Variants in MDN1 observed in about 807,000 individuals in gnomAD.
The protein encoded by MDN1 is midasin AAA ATPase 1, also known as midasin.
A neutral mutation model predicts 669.2 loss-of-function variants in MDN1; 266 were observed. That is an observed-to-expected ratio of 0.40 (90% confidence interval 0.36 to 0.44). MDN1 has a LOEUF of 0.44. Among genes scored for constraint, MDN1 ranks in the 20% least tolerant of loss-of-function variants. The pLI is 1.00. For synonymous variants in MDN1, 2,385 were observed against 2,457.1 expected, an observed-to-expected ratio of 0.97 and a Z score of 0.87; for missense variants, 5,940 against 6,754.0, an observed-to-expected ratio of 0.88 and a Z score of 4.22.
intron 97 of MDN1, among the ~76,000 whole-genome samples, chr6:89,648,557 G>A (rs367571676): frequency 1.3e-5 from 2 of 152,240 alleles, no homozygotes; most frequent in South Asian, 4.2e-4. Flanking sequence ...ATGGTCTGCT[G>A]TAGACATCGA....
In MDN1 at chr6:89,694,221, G is replaced by A. The variant is rs761964544; in HGVS notation, c.9772-38C>T. 5 of 1,527,748 alleles carry A rather than the reference G, an allele frequency of 3.3e-6. No individual in the cohort carries two copies. The Admixed American group carries it at 8.3e-5, about 26-fold the overall frequency. 94.6% of individuals were successfully genotyped at this position (1,527,748 alleles called of 1,614,324 possible). A position where few individuals can be genotyped will look rare whatever the true frequency, so the allele number is the denominator to read the frequency against. ...AGAGAAGTTAGTCCACTGTGTCCCA[G>A]CTATGACCATGCACATGAGGACAAT... On this transcript the variant is annotated intron_variant, in intron 61 of 101. Coordinates refer to ENST00000369393, the MANE Select transcript of MDN1 (RefSeq NM_014611.3).
At chr6:89,674,881 G>A (rs1811078699) in intron 78 of MDN1, among the ~76,000 whole-genome samples, 1 of 152,096 alleles carries the variant, frequency 6.6e-6, no homozygotes, top group East Asian at 1.9e-4. Flanking sequence ...CTAATGAATG[G>A]AGCAGAAAAT....
At chr6:89,710,938 G>A (rs1323331843) in intron 49 of MDN1, 144 bp from the exon 50 acceptor site, 1 of 553,054 alleles carries the variant, frequency 1.8e-6, no homozygotes, top group East Asian at 3.5e-5. Flanking sequence ...TGCAACTAAA[G>A]GACTGGATTT....
At chr6:89,801,802 A>G (rs1349982062) in intron 2 of MDN1, among the ~76,000 whole-genome samples, 6 of 151,990 alleles carry the variant, frequency 3.9e-5, no homozygotes, top group Admixed American at 3.9e-4. Context: ...TCAGAAAAAA[A>G]AAAAAAAGAA....
chr6:89,699,623 C>A lies in MDN1; in HGVS notation c.8975G>T (p.Trp2992Leu). Residue 2992 changes from tryptophan to leucine, a missense_variant, in exon 58 of 102, where the codon TGG becomes TTG. Physicochemically the swap from Trp to Leu is moderately conservative, Grantham distance 61 (BLOSUM62 -2). Transcript: ENST00000369393. ...PVTPQELRDL[W>L]SLLHHQKVSP... ...TACCTTCTGATGATGCAGCAAGGAC[C>A]ACAGATCTCGAAGCTCTTGAGGTGT... is the stretch of plus-strand genomic sequence containing the variant. 6.2e-7 allele frequency: 1 copy of A among 1,613,726 alleles called. No individual in the cohort carries two copies. Among genetic ancestry groups the A allele is most frequent in the South Asian group, 1.1e-5 (1 of 91,008 alleles).
intron 27 of MDN1, among the ~76,000 whole-genome samples, chr6:89,746,557 G>A (rs1018535169): frequency 1.5e-5 from 2 of 135,404 alleles, no homozygotes; most frequent in Admixed American, 1.6e-4. Context: ...TCGTGCCACT[G>A]CACTCCAGCC....
chr6:89,686,627 T>C (rs1405883531), intron 69 of MDN1, among the ~76,000 whole-genome samples: 1 of 152,196 alleles, frequency 6.6e-6, no homozygotes, highest in African/African-American at 2.4e-5. Context: ...ATCATGGACA[T>C]AGAGAAGACG....
chr6:89,667,727 A>G (rs1161849547), intron 84 of MDN1, among the ~76,000 whole-genome samples: 1 of 152,170 alleles, frequency 6.6e-6, no homozygotes. Flanking sequence ...ATACTATCAA[A>G]AATACTCTAG....
At position 89,696,405 on chromosome 6, in the gene MDN1, G is replaced by C; in HGVS notation, c.9338C>G (p.Ser3113Trp). 1 of 1,614,108 alleles carries C rather than the reference G, an allele frequency of 6.2e-7. No homozygotes were observed. Among genetic ancestry groups the C allele is most frequent in the African/African-American group, 1.3e-5 (1 of 75,028 alleles). ...ERTQQLQDIS[S>W]MLWTNMAISS... Reference sequence around the variant, plus strand: ...GATAGCCATGTTAGTCCAAAGCATCGAACTGATGTCCTGGAGCTGCTGAGT... The same window carrying C: ...GATAGCCATGTTAGTCCAAAGCATCCAACTGATGTCCTGGAGCTGCTGAGT... The change falls in exon 60 of 102, where the codon TCG becomes TGG. Residue 3113 changes from serine (S) to tryptophan (W), a missense_variant. By Grantham distance (177) the Ser-to-Trp change is radical. This residue lies in a region of MDN1 where 2,292 missense variants were observed against 2,638.3 expected (regional missense o/e 0.87). Transcript: ENST00000369393.
In MDN1 at chr6:89,781,448, T is replaced by C. The variant is rs1471821483; in HGVS notation, c.1594A>G (p.Arg532Gly). 6.2e-7 allele frequency: 1 copy of C among 1,614,182 alleles called. No homozygotes were observed. The highest frequency in any genetic ancestry group is 1.3e-5 in the African/African-American group (1 of 75,050). The change falls in exon 10 of 102, where the codon AGA (arginine) becomes GGA (glycine). Residue 532 changes from arginine (R) to glycine (G), a missense_variant. This residue lies in a region of MDN1 where 1,203 missense variants were observed against 1,268.9 expected (regional missense o/e 0.95). Coordinates refer to ENST00000369393, the MANE Select transcript of MDN1 (RefSeq NM_014611.3). ...EQAPEEVSEA[R>G]RENKRPTLEG... ...AGGGTTGGTCTTTTGTTTTCTCTTCTGGCTTCTGAAACTTCTTCAGGTGCC... is the reference window on the plus strand; with the variant it reads ...AGGGTTGGTCTTTTGTTTTCTCTTCCGGCTTCTGAAACTTCTTCAGGTGCC...
chr6:89,728,017 C>T (rs1288264282), intron 36 of MDN1, 62 bp from the exon 37 acceptor site: 25 of 1,523,824 alleles, frequency 1.6e-5, no homozygotes, highest in Non-Finnish European at 2.1e-5. Context: ...TGGATTCTAA[C>T]ACCCTAAATC....
chr6:89,788,880 C>T (rs564066098), intron 7 of MDN1, among the ~76,000 whole-genome samples: 8 of 152,268 alleles, frequency 5.3e-5, no homozygotes, highest in African/African-American at 1.9e-4. Context: ...AATCCCAGCA[C>T]TTTGGGAGGC....
chr6:89,719,911 C>G (rs1220102955), intron 40 of MDN1, among the ~76,000 whole-genome samples: 4 of 152,028 alleles, frequency 2.6e-5, no homozygotes, highest in Admixed American at 2.6e-4. Flanking sequence ...AGAAAATGTT[C>G]TGTTGACTCT....
rs1813094822 is a variant in MDN1 at position 89,700,694 on chromosome 6, C to T, written c.8590G>A (p.Ala2864Thr). Residue 2864 changes from alanine to threonine, a missense_variant, in exon 56 of 102, where the codon GCC becomes ACC. By Grantham distance (58) the Ala-to-Thr change is moderately conservative. Coordinates refer to ENST00000369393, the MANE Select transcript of MDN1 (RefSeq NM_014611.3). ...TTTGCTCTGAGGATCAGTCCCCAGG[C>T]TTGCAGGAGACTTTTCTTTAATGTC... ...QWTLKKSLLQ[A>T]WGLILRANIL... 6.2e-7 allele frequency: 1 copy of T among 1,614,110 alleles called. No homozygotes were observed.
intron 23 of MDN1, 118 bp downstream of exon 23, chr6:89,751,313 G>C: frequency 2.4e-6 from 3 of 1,275,504 alleles, no homozygotes; most frequent in Non-Finnish European, 3.2e-6. Flanking sequence ...GTAAGTAATT[G>C]TTCAGTTGGC....
intron 1 of MDN1, among the ~76,000 whole-genome samples, chr6:89,815,805 C>T (rs1025782444): frequency 5.9e-5 from 9 of 152,216 alleles, no homozygotes; most frequent in Non-Finnish European, 1.3e-4. Context: ...CAGAGTCACT[C>T]GCCCACTGTG....
At chr6:89,730,203 T>C (rs548314881) in intron 35 of MDN1, among the ~76,000 whole-genome samples, 1 of 152,220 alleles carries the variant, frequency 6.6e-6, no homozygotes, top group Non-Finnish European at 1.5e-5. Flanking sequence ...CCTAGACTAC[T>C]GCATTTCCCA....
In MDN1 at chr6:89,782,611, A is replaced by G. The variant is rs1018039551; in HGVS notation, c.1450-1019T>C. 7.5e-4 allele frequency among the ~76,000 whole-genome samples: 10 copies of G among 13,410 alleles called. No homozygotes were observed. The South Asian group carries it at 0.013, about 18-fold the overall frequency. 8.8% of individuals were successfully genotyped at this position (13,410 alleles called of 152,430 possible). ...GTAAGACCTTTCCTCAAAAAATAAT[A>G]ATAATAATAATAATAATAATAATAA... On this transcript the variant is annotated intron_variant, in intron 9 of 101. Coordinates refer to ENST00000369393, the MANE Select transcript of MDN1 (RefSeq NM_014611.3).
intron 15 of MDN1, among the ~76,000 whole-genome samples, chr6:89,768,734 C>A (rs4706351): frequency 6.6e-6 from 1 of 151,272 alleles, no homozygotes; most frequent in East Asian, 1.9e-4. Context: ...GAGACCCTGT[C>A]CCCCCCCAAA....
Sources: gnomAD v4.1 joint callset for allele counts (sites outside exome capture counted in the v4.1 genomes callset) on GRCh38, gnomAD v4.1.1 for gene constraint, gnomAD v4.1.1 regional missense constraint, MANE v1.5 for transcripts, NCBI Gene and HGNC (gene_info 2026-07-23, HGNC 2026-07-21) for gene names.